Variants in ADAM33 observed in about 807,000 individuals in gnomAD.
ADAM33 encodes the protein ADAM metallopeptidase domain 33.
ADAM33 carries 103 observed loss-of-function variants against 106.2 expected under a neutral mutation model. That is an observed-to-expected ratio of 0.97 (90% CI 0.83 to 1.14). The LOEUF (loss-of-function observed/expected upper bound fraction) is 1.14. Ranked by LOEUF, ADAM33 falls within the 50% of genes most tolerant of loss-of-function variation. The pLI is 0.00. For missense variants in ADAM33, 1,120 were observed against 1,096.6 expected (o/e 1.02, Z -0.30); for synonymous variants, 483 against 453.0 (o/e 1.07, Z -0.84).
chr20:3,671,984 G>A lies in ADAM33; in HGVS notation c.1599C>T (p.Gly533=). ...EQQCQQLWGP[G]SHPAPEACFQ... ...AACAGGCCTCGGGAGCTGGGTGGGA[G>A]CCTGAGGAAGCATGGGCCAGGCTGG... The change falls in exon 15 of 22, where the codon GGC becomes GGT. Residue 533 remains glycine, a splice_region_variant and synonymous_variant. Transcript: ENST00000356518. 1 of 1,554,700 alleles carries A rather than the reference G, an allele frequency of 6.4e-7. No individual in the cohort carries two copies. Among genetic ancestry groups the A allele is most frequent in the South Asian group, 1.2e-5 (1 of 84,404 alleles).
rs752708082 is a variant in ADAM33 at position 3,672,265 on chromosome 20, G to A, written c.1466C>T (p.Thr489Met). Residue 489 changes from threonine to methionine, a missense_variant, in exon 14 of 22, where the codon ACG becomes ATG. Thr to Met is a moderately conservative substitution (Grantham distance 81). Coordinates refer to ENST00000356518, the MANE Select transcript of ADAM33 (RefSeq NM_025220.5). ...MGDCDLPEFC[T>M]GTSSHCPPDV... ...TGGGGGACAGTGGGAGGAGGTGCCC[G>A]TGCAAAACTCAGGGAGGTCACAGTC... 5.6e-6 allele frequency: 9 copies of A among 1,613,248 alleles called. No homozygotes were observed. Among genetic ancestry groups the A allele is most frequent in the Middle Eastern group, 1.6e-4 (1 of 6,082 alleles).
intron 6 of ADAM33, 102 bp from the exon 7 acceptor site, chr20:3,674,386 T>A: frequency 6.2e-7 from 1 of 1,602,402 alleles, no homozygotes; most frequent in Non-Finnish European, 8.5e-7. Flanking sequence ...TTTCTGGAAC[T>A]TGTTTCTTCA....
At position 3,671,040 on chromosome 20, in the gene ADAM33, T is replaced by G; in HGVS notation, c.2206A>C (p.Ser736Arg). 1.3e-6 allele frequency: 2 copies of G among 1,558,482 alleles called. No homozygotes were observed. Among genetic ancestry groups the G allele is most frequent in the Non-Finnish European group, 1.7e-6 (2 of 1,151,854 alleles). Residue 736 changes from serine to arginine, a missense_variant, in exon 19 of 22, where the codon AGC becomes CGC. Coordinates refer to ENST00000356518, the MANE Select transcript of ADAM33 (RefSeq NM_025220.5). ...GCAGGGTCCCTTCTGCAGCCCCAGC[T>G]GCATCGCTGCAGATGGGCTCCTGGG... ...RLPGAHLQRC[S>R]WGCRRDPACS...
intron 19 of ADAM33, chr20:3,669,893 A>ACAGCACC: frequency 1.7e-6 from 1 of 596,710 alleles, no homozygotes; most frequent in Non-Finnish European, 3.0e-6. Context: ...CCAGGCTCTG[A>ACAGCACC]CAGCAGCCTG....
Position 3,669,274 on chromosome 20 carries a change from G to T in ADAM33, c.2404+25C>A, listed in dbSNP as rs745596548. ...GGAGGGTGGGCGATGAGAGGGGGAG[G>T]CTTTGAATCCAGGTCCCTGCCTACC... is the stretch of plus-strand genomic sequence containing the variant. On this transcript the variant is annotated intron_variant, in intron 21 of 21. Transcript: ENST00000356518. 6 of 1,562,566 alleles carry T rather than the reference G, an allele frequency of 3.8e-6. No homozygotes were observed. The African/African-American group carries it at 6.9e-5, about 18-fold the overall frequency.
chr20:3,673,952 A>T (rs1426627907), intron 8 of ADAM33, 41 bp from the exon 9 acceptor site: 17 of 1,579,032 alleles, frequency 1.1e-5, no homozygotes, highest in Non-Finnish European at 1.4e-5. Flanking sequence ...AGGGCGCCCC[A>T]TCGCGCCGGT....
chr20:3,674,980 G>A (rs1057164675), intron 4 of ADAM33, 47 bp downstream of exon 4: 3 of 1,612,542 alleles, frequency 1.9e-6, no homozygotes, highest in Non-Finnish European at 1.7e-6. Flanking sequence ...GGAATGGTGG[G>A]GGGGTACCTC....
intron 6 of ADAM33, 22 bp from the exon 7 acceptor site, chr20:3,674,306 C>A: frequency 6.2e-7 from 1 of 1,613,644 alleles, no homozygotes; most frequent in Non-Finnish European, 8.5e-7. Flanking sequence ...CAAATGGGGA[C>A]CCTGAGTGGA....
At chr20:3,674,976 G>A in intron 4 of ADAM33, 51 bp downstream of exon 4, 3 of 1,612,088 alleles carry the variant, frequency 1.9e-6, no homozygotes, top group Non-Finnish European at 2.5e-6. Context: ...GGTAGGAATG[G>A]TGGGGGGGTA....
At chr20:3,678,599 G>A (rs571343392) in intron 2 of ADAM33, among the ~76,000 whole-genome samples, 2 of 152,340 alleles carry the variant, frequency 1.3e-5, no homozygotes, top group South Asian at 2.1e-4. Flanking sequence ...CAGCCTTCAT[G>A]GCAATGCTCC....
rs2087629990 is a variant in ADAM33, at chr20:3,672,749, C to T, written c.1283G>A (p.Gly428Asp). 6.4e-7 allele frequency: 1 copy of T among 1,568,170 alleles called. No homozygotes were observed. Among genetic ancestry groups the T allele is most frequent in the Non-Finnish European group, 8.6e-7 (1 of 1,156,790 alleles). The change falls in exon 12 of 22, where the codon GGC becomes GAC. Residue 428 changes from glycine to aspartate, a missense_variant. Physicochemically the swap from Gly to Asp is moderately conservative, Grantham distance 94 (BLOSUM62 -1). Coordinates refer to ENST00000356518, the MANE Select transcript of ADAM33 (RefSeq NM_025220.5). ...ALCGNGFVEAGEECDCGPGQE... is the reference protein window; with the variant it reads ...ALCGNGFVEADEECDCGPGQE... ...GCCAGGGCCGCAGTCACACTCCTCG[C>T]CCGCTTCCACGAAGCCGTTCCCGCA... is the stretch of plus-strand genomic sequence containing the variant.
intron 1 of ADAM33, 30 bp from the exon 2 acceptor site, chr20:3,679,601 G>T (rs769863420): frequency 1.3e-6 from 2 of 1,580,634 alleles, no homozygotes; most frequent in Non-Finnish European, 1.7e-6. Context: ...CAGGGTGAGG[G>T]GGACCTGAGG....
intron 6 of ADAM33, 85 bp downstream of exon 6, chr20:3,674,419 C>T (rs1036870856): frequency 1.2e-6 from 2 of 1,600,872 alleles, no homozygotes; most frequent in East Asian, 2.2e-5. Flanking sequence ...AATACTGGGA[C>T]TCGAGGCCTG....
At position 3,675,563 on chromosome 20, in the gene ADAM33, T is replaced by G. The variant is rs771529155; in HGVS notation, c.255-458A>C. ...TCGACCCTCTTGCCCCCACCTGCCC[T>G]AGATCCTTGAAATATTTTCCTCAGA... On this transcript the variant is annotated intron_variant, in intron 3 of 21. Coordinates refer to ENST00000356518, the MANE Select transcript of ADAM33 (RefSeq NM_025220.5). This position sits in a 1 kb window ranked among gnomAD's most constrained non-coding sequence, Gnocchi z 4.1. Among the ~76,000 whole-genome samples, 5 of 151,992 alleles carry G rather than the reference T, an allele frequency of 3.3e-5. No homozygotes were observed. The highest frequency in any genetic ancestry group is 7.4e-5 in the Non-Finnish European group (5 of 67,932).
intron 2 of ADAM33, among the ~76,000 whole-genome samples, chr20:3,677,662 A>G (rs1451870621): frequency 6.6e-6 from 1 of 152,096 alleles, no homozygotes; most frequent in Admixed American, 6.5e-5. Flanking sequence ...CCCTCTTCCA[A>G]AGTTTTCCTG....
In ADAM33 at chr20:3,672,814, G is replaced by A. The variant is rs1283170151; in HGVS notation, c.1218C>T (p.Ser406=). 1.9e-6 allele frequency: 3 copies of A among 1,577,362 alleles called. No homozygotes were observed. In the South Asian group the frequency reaches 3.4e-5, roughly 18 times the overall value. ...CCGGGAGTCCGGGGTCCGGGGCATT[G>A]GAGAGGCAAGCGCCGCCCCCCTTGC... ...FFRKGGGACL[S]NAPDPGLPVP... The change falls in exon 12 of 22, where the codon TCC becomes TCT. Residue 406 remains serine, a synonymous_variant. Coordinates refer to ENST00000356518, the MANE Select transcript of ADAM33 (RefSeq NM_025220.5).
intron 3 of ADAM33, among the ~76,000 whole-genome samples, chr20:3,676,461 G>A (rs906940053): frequency 1.3e-5 from 2 of 149,306 alleles, no homozygotes; most frequent in African/African-American, 2.5e-5. Flanking sequence ...TTTTGAGACG[G>A]AGTCTCACTC....
rs567804452 is a variant in ADAM33 at position 3,673,302 on chromosome 20, A to G, written c.1133+52T>C. The G allele has an allele frequency of 5.5e-4, 847 of 1,535,016 alleles. 12 individuals carry two copies. The South Asian group carries it at 8.5e-3, about 15-fold the overall frequency. On this transcript the variant is annotated intron_variant, in intron 11 of 21. Transcript: ENST00000356518. ...GACGACCAAAGAAACGCAGCGGAGG[A>G]AGTCCCCAGGACTAGCCGCCCCGCC...
chr20:3,673,905 T>A lies in ADAM33; in HGVS notation c.745A>T (p.Arg249Trp). The change falls in exon 9 of 22, where the codon AGG becomes TGG. Residue 249 changes from arginine to tryptophan, a missense_variant. Coordinates refer to ENST00000356518, the MANE Select transcript of ADAM33 (RefSeq NM_025220.5). ...AGCGCCACCTGAATGTCCAGAGTCC[T>A]GAGAAGCTGAGGGCGAGGCGGGGCT... ...EVANYVDQLL[R>W]TLDIQVALTG... is the part of the protein sequence containing the mutation. 6.4e-7 allele frequency: 1 copy of A among 1,567,004 alleles called. No homozygotes were observed. Among genetic ancestry groups the A allele is most frequent in the Non-Finnish European group, 8.6e-7 (1 of 1,162,578 alleles).
Sources: allele counts gnomAD v4.1 joint callset (sites outside exome capture counted in the v4.1 genomes callset), GRCh38; gene constraint gnomAD v4.1.1; non-coding constraint Gnocchi (gnomAD v3.1); transcripts MANE v1.5; gene names NCBI Gene and HGNC (gene_info 2026-07-23, HGNC 2026-07-21).